ROR1: variants seen among roughly 807,000 people sequenced by gnomAD.
ROR1 encodes the protein inactive tyrosine-protein kinase transmembrane receptor ROR1.
Under a neutral mutation model 78.8 loss-of-function variants are expected in ROR1, and 19 were observed. That is an observed-to-expected ratio of 0.24 (90% confidence interval 0.17 to 0.35). The LOEUF is 0.35. ROR1 is among the 10% of genes least tolerant of loss of function. The probability of loss-of-function intolerance (pLI) is 1.00; values close to 1 mark genes in which losing one functional copy is unlikely to be tolerated. For synonymous variants in ROR1, 386 were observed against 433.6 expected, an observed-to-expected ratio of 0.89 and a Z score of 1.36; for missense variants, 917 against 1,177.8, an observed-to-expected ratio of 0.78 and a Z score of 3.24.
intron 1 of ROR1, among the ~76,000 whole-genome samples, chr1:63,901,135 C>T (rs2100403174): frequency 6.6e-6 from 1 of 152,266 alleles, no homozygotes; most frequent in Middle Eastern, 3.4e-3. Context: ...TGTAAGCTAG[C>T]AAACGTGTGT....
At chr1:64,054,248 C>T (rs1248167393) in intron 4 of ROR1, among the ~76,000 whole-genome samples, 1 of 152,146 alleles carries the variant, frequency 6.6e-6, no homozygotes, top group African/African-American at 2.4e-5. Flanking sequence ...AGTACTGCAC[C>T]TGGCCTGAAC....
intron 4 of ROR1, among the ~76,000 whole-genome samples, chr1:64,060,687 G>A (rs1033849377): frequency 6.6e-6 from 1 of 152,142 alleles, no homozygotes; most frequent in Non-Finnish European, 1.5e-5. Flanking sequence ...CACACAGAGG[G>A]CCATTGCTCC....
At chr1:63,916,413 T>C (rs1645610146) in intron 1 of ROR1, among the ~76,000 whole-genome samples, 1 of 152,094 alleles carries the variant, frequency 6.6e-6, no homozygotes, top group Non-Finnish European at 1.5e-5. Context: ...AACATGGTAA[T>C]AGGAGATAAC....
At chr1:64,015,709 G>T (rs184124346) in intron 2 of ROR1, among the ~76,000 whole-genome samples, 1 of 152,134 alleles carries the variant, frequency 6.6e-6, no homozygotes, top group Non-Finnish European at 1.5e-5. Flanking sequence ...GCAAGCTGAT[G>T]AACAGTCTTC....
rs558493309 is a variant in ROR1 at position 63,858,530 on chromosome 1, C to T, written c.91+84022C>T. Among the ~76,000 whole-genome samples the T allele has an allele frequency of 1.4e-3, 208 of 152,342 alleles. 2 individuals are homozygous for T. Among genetic ancestry groups the T allele is most frequent in the African/African-American group, 4.8e-3 (200 of 41,584 alleles). ...GTGGCTAAACCAAGATTAGACCCTA[C>T]CACTTTAAAAAATCTGACTTTTTGC... On this transcript the variant is annotated intron_variant, in intron 1 of 8. Coordinates refer to ENST00000371079, the MANE Select transcript of ROR1 (RefSeq NM_005012.4).
chr1:63,962,380 A>G (rs376883787), intron 1 of ROR1, among the ~76,000 whole-genome samples: 1 of 152,274 alleles, frequency 6.6e-6, no homozygotes, highest in Non-Finnish European at 1.5e-5. Context: ...ATGTTATTAC[A>G]ATGTGCCAAG....
intron 1 of ROR1, among the ~76,000 whole-genome samples, chr1:63,984,184 G>T (rs1014385378): frequency 6.6e-6 from 1 of 152,154 alleles, no homozygotes; most frequent in Admixed American, 6.5e-5. Context: ...GAATGAGAAG[G>T]TGGCTGAATG....
chr1:64,165,192 T>TTTAA (rs528997235), intron 8 of ROR1, among the ~76,000 whole-genome samples: 2 of 152,232 alleles, frequency 1.3e-5, no homozygotes, highest in Non-Finnish European at 2.9e-5. Flanking sequence ...GCTGAACTAA[T>TTTAA]TTACACTCCC....
At chr1:64,131,186 G>C (rs184329260) in intron 4 of ROR1, among the ~76,000 whole-genome samples, 1 of 152,052 alleles carries the variant, frequency 6.6e-6, no homozygotes, top group Non-Finnish European at 1.5e-5. Context: ...AGGGTTTTAG[G>C]GGCAGCCATC....
chr1:63,902,793 AGACATTTCCATGGAAACT>A (rs1161945316), intron 1 of ROR1, among the ~76,000 whole-genome samples: 1 of 152,214 alleles, frequency 6.6e-6, no homozygotes, highest in East Asian at 1.9e-4. Context: ...GATAGGCAGT[AGACATTTCCATGGAAACT>A]GACATTTCCA....
intron 8 of ROR1, among the ~76,000 whole-genome samples, chr1:64,174,312 G>A (rs1650320081): frequency 6.6e-6 from 1 of 152,162 alleles, no homozygotes; most frequent in African/African-American, 2.4e-5. Flanking sequence ...ACAGGATCAT[G>A]GTGTTAAATA....
At chr1:64,149,058 A>T (rs928619407) in intron 7 of ROR1, among the ~76,000 whole-genome samples, 1 of 152,152 alleles carries the variant, frequency 6.6e-6, no homozygotes, top group African/African-American at 2.4e-5. Context: ...TATAGTTCCC[A>T]GTTTTATGTC....
At chr1:64,169,550 G>GT (rs1263117737) in intron 8 of ROR1, among the ~76,000 whole-genome samples, 5 of 152,148 alleles carry the variant, frequency 3.3e-5, no homozygotes, top group African/African-American at 1.2e-4. Flanking sequence ...TGAGATTTGG[G>GT]TGGGGACACT....
chr1:64,140,020 T>C (rs1649247925), intron 5 of ROR1, 89 bp from the exon 6 acceptor site: 3 of 1,200,034 alleles, frequency 2.5e-6, no homozygotes, highest in Non-Finnish European at 3.5e-6. Flanking sequence ...TTCCTTGCAA[T>C]GTGTGTTTAT....
At chr1:63,968,666 C>A (rs1336728032) in intron 1 of ROR1, among the ~76,000 whole-genome samples, 1 of 152,036 alleles carries the variant, frequency 6.6e-6, no homozygotes, top group African/African-American at 2.4e-5. Context: ...TTGTATACAC[C>A]CACTAGTTTC....
intron 5 of ROR1, among the ~76,000 whole-genome samples, chr1:64,137,971 A>G (rs1488650780): frequency 3.9e-5 from 6 of 152,230 alleles, no homozygotes; most frequent in Non-Finnish European, 8.8e-5. Flanking sequence ...CCCCTTCTTC[A>G]TCTGTGAAAT....
chr1:63,797,287 C>T (rs2100248338), intron 1 of ROR1, among the ~76,000 whole-genome samples: 1 of 152,300 alleles, frequency 6.6e-6, no homozygotes, highest in South Asian at 2.1e-4. Context: ...TCCCAGTCAT[C>T]CTATGAGTAA....
intron 4 of ROR1, among the ~76,000 whole-genome samples, chr1:64,078,804 G>A (rs557010146): frequency 6.6e-6 from 1 of 152,170 alleles, no homozygotes; most frequent in South Asian, 2.1e-4. Context: ...TGTCTCTGAG[G>A]TTAAAGGCAA....
chr1:63,877,393 T>G (rs1381855712), intron 1 of ROR1, among the ~76,000 whole-genome samples: 1 of 152,186 alleles, frequency 6.6e-6, no homozygotes, highest in Non-Finnish European at 1.5e-5. Flanking sequence ...CTGATGGGGA[T>G]CATAACGCAC....
Sources: allele counts gnomAD v4.1 joint callset (sites outside exome capture counted in the v4.1 genomes callset), GRCh38; gene constraint gnomAD v4.1.1; transcripts MANE v1.5; gene names NCBI Gene and HGNC (gene_info 2026-07-23, HGNC 2026-07-21).